NQO1: variants seen among roughly 807,000 people sequenced by gnomAD.
NQO1 encodes the protein NAD(P)H quinone dehydrogenase 1.
NQO1 carries 30 observed loss-of-function variants against 32.1 expected under a neutral mutation model. The observed-to-expected ratio is 0.94, with a 90% CI of 0.70 to 1.27. The LOEUF is 1.27. Among genes scored for constraint, NQO1 ranks in the 50% most tolerant of loss-of-function variants. NQO1 has a pLI of 0.00. For missense variants in NQO1, 276 were observed against 331.3 expected, an observed-to-expected ratio of 0.83 and a Z score of 1.30; for synonymous variants, 109 against 119.7, an observed-to-expected ratio of 0.91 and a Z score of 0.59.
chr16:69,717,505 AT>A (rs2038129914), intron 3 of NQO1, among the ~76,000 whole-genome samples: 1 of 40,876 alleles, frequency 2.4e-5, no homozygotes, highest in Admixed American at 2.6e-4. Context: ...AACTGAAGGA[AT>A]CGCTAACTGA....
At chr16:69,718,562 G>A (rs1392437836) in intron 1 of NQO1, 28 bp from the exon 2 acceptor site, 7 of 1,606,552 alleles carry the variant, frequency 4.4e-6, no homozygotes, top group African/African-American at 2.7e-5. Context: ...AAGCACACAC[G>A]GAAAACCCAT....
intron 4 of NQO1, among the ~76,000 whole-genome samples, chr16:69,714,124 G>C (rs879674763): frequency 2.0e-5 from 3 of 151,528 alleles, no homozygotes; most frequent in Non-Finnish European, 2.9e-5. Context: ...TGATCCGCCT[G>C]CCTCGGCCTC....
chr16:69,711,913 C>G (rs2038047104), intron 5 of NQO1, among the ~76,000 whole-genome samples: 1 of 152,080 alleles, frequency 6.6e-6, no homozygotes, highest in South Asian at 2.1e-4. Flanking sequence ...CTCAGTCTCC[C>G]AAAGTGCTGG....
chr16:69,714,581 T>C (rs1215679398), intron 4 of NQO1, among the ~76,000 whole-genome samples: 9 of 151,462 alleles, frequency 5.9e-5, no homozygotes, highest in African/African-American at 1.9e-4. Context: ...CTAATTGTGC[T>C]CAAAACCCTG....
intron 1 of NQO1, among the ~76,000 whole-genome samples, chr16:69,724,569 G>A (rs2038236862): frequency 1.9e-4 from 29 of 151,736 alleles, no homozygotes; most frequent in Admixed American, 1.8e-3. Context: ...GGGTGTGGTG[G>A]CACACACCTG....
chr16:69,721,043 A>ATTT (rs373230600), intron 1 of NQO1, among the ~76,000 whole-genome samples: 20 of 137,420 alleles, frequency 1.5e-4, no homozygotes, highest in African/African-American at 3.2e-4. Flanking sequence ...ACCACACCTA[A>ATTT]TTTTTTTTTT....
At chr16:69,722,405 C>G (rs1449034202) in intron 1 of NQO1, among the ~76,000 whole-genome samples, 1 of 152,208 alleles carries the variant, frequency 6.6e-6, no homozygotes, top group Admixed American at 6.5e-5. Context: ...CATGACCCAC[C>G]TGCCTTGGCC....
chr16:69,714,350 T>C (rs1225468035), intron 4 of NQO1, among the ~76,000 whole-genome samples: 3 of 150,756 alleles, frequency 2.0e-5, no homozygotes, highest in African/African-American at 7.3e-5. Context: ...TTTGTATTTT[T>C]GGTAGAGACG....
intron 1 of NQO1, among the ~76,000 whole-genome samples, chr16:69,719,859 A>G (rs907539922): frequency 2.8e-4 from 42 of 152,082 alleles, no homozygotes; most frequent in Non-Finnish European, 3.1e-4. Flanking sequence ...GGAGCCTGTA[A>G]TCCAGCTACT....
chr16:69,723,558 G>A (rs930287284), intron 1 of NQO1, among the ~76,000 whole-genome samples: 5 of 152,122 alleles, frequency 3.3e-5, no homozygotes, highest in Non-Finnish European at 5.9e-5. Context: ...AGCACTTTGG[G>A]AGGCTGAGGC....
At position 69,710,808 on chromosome 16, in the gene NQO1, G is replaced by A. The variant is rs2038027647; in HGVS notation, c.*168C>T. The A allele has an allele frequency of 1.3e-6, 1 of 759,292 alleles. No homozygotes were observed. Among genetic ancestry groups the A allele is most frequent in the Non-Finnish European group, 2.1e-6 (1 of 487,554 alleles). 47.0% of individuals were successfully genotyped at this position (759,292 alleles called of 1,614,324 possible). A position where few individuals can be genotyped will look rare whatever the true frequency, so the allele number is the denominator to read the frequency against. ...TTATATGCCATGATAGTAATCATAA[G>A]AATCAGTTAAAAATGATCCAAAAAT... is the stretch of plus-strand genomic sequence containing the variant. On this transcript the variant is annotated 3_prime_UTR_variant, in exon 6 of 6. Coordinates refer to ENST00000320623, the MANE Select transcript of NQO1 (RefSeq NM_000903.3).
chr16:69,726,359 C>T lies in NQO1; in HGVS notation c.7+74G>A, dbSNP rs1481515914. 8.2e-6 allele frequency: 13 copies of T among 1,585,040 alleles called. 1 individual carries two copies. In the East Asian group the frequency reaches 1.6e-4, roughly 19 times the overall value. ...TCAAGGAACAAAATTCAGGGCCAAG[C>T]CCCTACAACCTCCTCCACAGGCACC... On this transcript the variant is annotated intron_variant, in intron 1 of 5. Transcript: ENST00000320623.
Position 69,709,530 on chromosome 16 carries a change from A to G in NQO1, c.*1446T>C, listed in dbSNP as rs1331961182. ...CACCCAGCCGTCAGCTATTGTGGAT[A>G]CTGTCGAGAGCAAAAACCACCAGTG... On this transcript the variant is annotated 3_prime_UTR_variant, in exon 6 of 6. Transcript: ENST00000320623. 2.6e-6 allele frequency: 1 copy of G among 378,510 alleles called. No homozygotes were observed. The highest frequency in any genetic ancestry group is 4.7e-6 in the Non-Finnish European group (1 of 213,944). The allele number at this position is 378,510 out of a possible 1,614,324, so 23.4% of individuals were successfully genotyped here.
intron 1 of NQO1, 127 bp downstream of exon 1, chr16:69,726,306 C>T: frequency 7.4e-7 from 1 of 1,353,800 alleles, no homozygotes; most frequent in Non-Finnish European, 1.0e-6. Context: ...TCCCAGGTCC[C>T]TAATCTCTTC....
At chr16:69,721,423 G>A (rs1277173400) in intron 1 of NQO1, among the ~76,000 whole-genome samples, 1 of 152,142 alleles carries the variant, frequency 6.6e-6, no homozygotes, top group Non-Finnish European at 1.5e-5. Context: ...TAAGGACGCA[G>A]CATTCCTCCA....
chr16:69,724,570 C>T (rs759973999), intron 1 of NQO1, among the ~76,000 whole-genome samples: 3 of 151,512 alleles, frequency 2.0e-5, no homozygotes, highest in Non-Finnish European at 4.4e-5. Flanking sequence ...GGTGTGGTGG[C>T]ACACACCTGT....
intron 1 of NQO1, among the ~76,000 whole-genome samples, chr16:69,720,468 G>T (rs953288452): frequency 6.6e-6 from 1 of 151,334 alleles, no homozygotes; most frequent in Non-Finnish European, 1.5e-5. Flanking sequence ...AAAAAGAAAT[G>T]ACATATATTT....
intron 1 of NQO1, among the ~76,000 whole-genome samples, chr16:69,725,126 G>T (rs2038243863): frequency 6.6e-6 from 1 of 152,194 alleles, no homozygotes. Context: ...ATTCCCTGCT[G>T]TCTCTGCCAG....
intron 3 of NQO1, among the ~76,000 whole-genome samples, chr16:69,717,747 G>A (rs963968182): frequency 1.3e-5 from 2 of 152,056 alleles, no homozygotes; most frequent in Non-Finnish European, 2.9e-5. Flanking sequence ...AGAGTAGCTG[G>A]GACTACAGGC....
Sources: allele counts gnomAD v4.1 joint callset (sites outside exome capture counted in the v4.1 genomes callset), GRCh38; gene constraint gnomAD v4.1.1; transcripts MANE v1.5; gene names NCBI Gene and HGNC (gene_info 2026-07-23, HGNC 2026-07-21).